TEX10: variants seen among roughly 807,000 people sequenced by gnomAD.
TEX10 encodes the protein testis expressed 10.
Under a neutral mutation model 104.4 loss-of-function variants are expected in TEX10, and 24 were observed. The ratio of observed to expected loss-of-function variants is 0.23; its 90% CI spans 0.17 to 0.32. The LOEUF is 0.32. TEX10 is among the 10% of genes least tolerant of loss of function. TEX10 has a pLI of 1.00. For missense variants in TEX10, 921 were observed against 1,083.9 expected (o/e 0.85, Z 2.11); for synonymous variants, 396 against 393.4 (o/e 1.01, Z -0.08).
intron 5 of TEX10, among the ~76,000 whole-genome samples, chr9:100,332,677 C>T (rs993736489): frequency 2.0e-5 from 3 of 151,968 alleles, no homozygotes; most frequent in African/African-American, 4.8e-5. Context: ...AAAAATTAGC[C>T]GGGCGCGGTG....
At chr9:100,322,624 T>C (rs1834596933) in intron 9 of TEX10, among the ~76,000 whole-genome samples, 1 of 152,078 alleles carries the variant, frequency 6.6e-6, no homozygotes, top group South Asian at 2.1e-4. Flanking sequence ...TTTATATATA[T>C]ATTTTTTGGG....
chr9:100,344,210 T>C (rs1835244529), intron 4 of TEX10, among the ~76,000 whole-genome samples: 1 of 152,224 alleles, frequency 6.6e-6, no homozygotes, highest in Non-Finnish European at 1.5e-5. Flanking sequence ...TCTCAATTTG[T>C]ATTCTGATCT....
At chr9:100,321,496 C>CTG (rs1834571496) in intron 10 of TEX10, among the ~76,000 whole-genome samples, 187 bp downstream of exon 10, 1 of 152,092 alleles carries the variant, frequency 6.6e-6, no homozygotes, top group Non-Finnish European at 1.5e-5. Context: ...GCCTCAGAAG[C>CTG]CTAACAGTGT....
At chr9:100,321,818 CAG>C in intron 9 of TEX10, 47 bp from the exon 10 acceptor site, 1 of 1,427,098 alleles carries the variant, frequency 7.0e-7, no homozygotes, top group Non-Finnish European at 9.8e-7. Flanking sequence ...ACCAACTTGA[CAG>C]ACTTGTCAAA....
chr9:100,351,852 T>C (rs1388070671), intron 1 of TEX10, among the ~76,000 whole-genome samples: 1 of 152,200 alleles, frequency 6.6e-6, no homozygotes, highest in Non-Finnish European at 1.5e-5. Flanking sequence ...ACAAAGATTT[T>C]CATAACACAG....
At chr9:100,318,944 C>G (rs1425754558) in intron 11 of TEX10, among the ~76,000 whole-genome samples, 1 of 152,160 alleles carries the variant, frequency 6.6e-6, no homozygotes, top group African/African-American at 2.4e-5. Flanking sequence ...GTAATCTCAG[C>G]ACTTTGGGAA....
chr9:100,352,718 A>C, intron 1 of TEX10, 54 bp downstream of exon 1: 1 of 1,268,836 alleles, frequency 7.9e-7, no homozygotes, highest in Non-Finnish European at 9.9e-7. Flanking sequence ...CGGCCCCACC[A>C]CGCTCAGTCC....
intron 5 of TEX10, among the ~76,000 whole-genome samples, chr9:100,337,834 C>A (rs1026173829): frequency 2.6e-5 from 4 of 152,178 alleles, no homozygotes; most frequent in Non-Finnish European, 5.9e-5. Context: ...CACGTTCATA[C>A]CCAGTTCAAA....
In TEX10 at chr9:100,321,700, A is replaced by G; in HGVS notation, c.2051T>C (p.Leu684Ser). 6.2e-7 allele frequency: 1 copy of G among 1,612,242 alleles called. No homozygotes were observed. The highest frequency in any genetic ancestry group is 8.5e-7 in the Non-Finnish European group (1 of 1,179,554). The stretch of plus-strand genomic sequence containing the variant: ...GTGGTTACCTGTAAGTGTGGAAAAT[A>G]AGAAGCTGAAATAGTCTACATCACT... ...LMSDVDYFSF[L>S]FSTLTGFSKE... Residue 684 changes from leucine (L) to serine (S), a missense_variant, in exon 10 of 15, where the codon TTA becomes TCA. Physicochemically the swap from Leu to Ser is moderately radical, Grantham distance 145. This residue lies in a region of TEX10 where 753 missense variants were observed against 868.4 expected (regional missense o/e 0.87). Coordinates refer to ENST00000374902, the MANE Select transcript of TEX10 (RefSeq NM_017746.4).
At position 100,329,558 on chromosome 9, in the gene TEX10, T is replaced by TA. The variant is rs534378130; in HGVS notation, c.1490-284dup. ...GGAACCAAATAGGAAAACTTTGTTT[T>TA]AAAATCAAAGAATTAGTAAGTCACT... On this transcript the variant is annotated intron_variant, in intron 6 of 14. Transcript: ENST00000374902. 1.5e-3 allele frequency among the ~76,000 whole-genome samples: 227 copies of TA among 152,320 alleles called. 6 individuals are homozygous for TA. The South Asian group carries it at 0.045, about 30-fold the overall frequency.
At chr9:100,341,576 C>T (rs1033334543) in intron 4 of TEX10, among the ~76,000 whole-genome samples, 2 of 152,094 alleles carry the variant, frequency 1.3e-5, no homozygotes, top group African/African-American at 4.8e-5. Context: ...TTACCTAGAT[C>T]CAGCTAGTTC....
intron 5 of TEX10, among the ~76,000 whole-genome samples, chr9:100,339,331 T>C (rs1262167815): frequency 7.3e-6 from 1 of 136,992 alleles, no homozygotes; most frequent in Non-Finnish European, 1.5e-5. Flanking sequence ...TATATATTTA[T>C]ATATTATATA....
chr9:100,314,774 T>C (rs1484185242), intron 11 of TEX10, among the ~76,000 whole-genome samples: 4 of 152,204 alleles, frequency 2.6e-5, no homozygotes, highest in Admixed American at 6.5e-5. Flanking sequence ...TGGTTTGTTC[T>C]TACTTTTCTA....
At position 100,329,268 on chromosome 9, in the gene TEX10, T is replaced by C. The variant is rs1175195843; in HGVS notation, c.1497A>G (p.Thr499=). 6.3e-7 allele frequency: 1 copy of C among 1,597,812 alleles called. No homozygotes were observed. The highest frequency in any genetic ancestry group is 1.8e-5 in the Admixed American group (1 of 54,384). The change falls in exon 7 of 15, where the codon ACA becomes ACG. Residue 499 remains threonine, a synonymous_variant. Coordinates refer to ENST00000374902, the MANE Select transcript of TEX10 (RefSeq NM_017746.4). ...LMQIQPNRED[T]ETLIKAVYTL... ...TATAAACTGCCTTAATAAGAGTCTC[T>C]GTGTCCTCTACAAACAGAAAGAAAA...
intron 11 of TEX10, among the ~76,000 whole-genome samples, chr9:100,319,877 T>C (rs1257823313): frequency 6.6e-6 from 1 of 151,996 alleles, no homozygotes; most frequent in African/African-American, 2.4e-5. Flanking sequence ...AGAATTTGGG[T>C]TTTAAATTTA....
rs201125333 is a variant in TEX10 at position 100,321,720 on chromosome 9, A to T, written c.2031T>A (p.Asp677Glu). The change falls in exon 10 of 15, where the codon GAT (aspartate) becomes GAA (glutamate). Residue 677 changes from aspartate (D) to glutamate (E), a missense_variant. Around this residue, in one of 3 missense-constraint regions of TEX10, gnomAD observed 753 missense variants for 868.4 expected, o/e 0.87. Transcript: ENST00000374902. Reference protein sequence around the residue: ...KYSAKDWLMSDVDYFSFLFST... With the variant: ...KYSAKDWLMSEVDYFSFLFST... ...AAAATAAGAAGCTGAAATAGTCTAC[A>T]TCACTCATCAACCAGTCTTTAGCTG... The T allele has an allele frequency of 2.9e-4, 467 of 1,612,620 alleles. No individual in the cohort carries two copies. Among genetic ancestry groups the T allele is most frequent in the Non-Finnish European group, 3.8e-4 (449 of 1,179,732 alleles).
intron 5 of TEX10, among the ~76,000 whole-genome samples, chr9:100,336,428 G>A (rs887365541): frequency 1.1e-4 from 17 of 152,092 alleles, no homozygotes; most frequent in African/African-American, 3.4e-4. Flanking sequence ...AGTGGCATTC[G>A]ATTCTCATAG....
intron 14 of TEX10, 59 bp from the exon 15 acceptor site, chr9:100,302,363 A>ACCCAAACACAATTTGGG (rs1358473623): frequency 2.1e-5 from 25 of 1,217,508 alleles, no homozygotes; most frequent in African/African-American, 3.0e-5. Context: ...GCTACCTGAC[A>ACCCAAACACAATTTGGG]GTATTTTTCA....
chr9:100,318,365 A>G (rs1443018381), intron 11 of TEX10, among the ~76,000 whole-genome samples: 1 of 152,252 alleles, frequency 6.6e-6, no homozygotes, highest in Non-Finnish European at 1.5e-5. Flanking sequence ...AGTCAGACAC[A>G]GACAAATGGC....
Sources: allele counts gnomAD v4.1 joint callset (sites outside exome capture counted in the v4.1 genomes callset), GRCh38; gene constraint gnomAD v4.1.1; regional missense constraint gnomAD v4.1.1; transcripts MANE v1.5; gene names NCBI Gene and HGNC (gene_info 2026-07-23, HGNC 2026-07-21).